MCM9: variants seen among roughly 807,000 people sequenced by gnomAD.
MCM9 encodes the protein DNA helicase MCM9.
Under a neutral mutation model 72.8 loss-of-function variants are expected in MCM9, and 55 were observed. The observed-to-expected ratio is 0.76, with a 90% CI of 0.61 to 0.95. The LOEUF (loss-of-function observed/expected upper bound fraction) is 0.95, where lower values mean the gene tolerates loss of function less well. MCM9 is among the 40% of genes least tolerant of loss of function. The probability of loss-of-function intolerance (pLI) is 0.00; values close to 1 mark genes in which losing one functional copy is unlikely to be tolerated. For synonymous variants in MCM9, 480 were observed against 503.4 expected (o/e 0.95, Z 0.62); for missense variants, 1,279 against 1,377.0 (o/e 0.93, Z 1.13).
intron 5 of MCM9, chr6:118,921,190 T>C (rs971551635): frequency 6.6e-6 from 1 of 152,354 alleles, no homozygotes; most frequent in African/African-American, 2.4e-5. Flanking sequence ...GTACTGTATA[T>C]GCTGTGCTTG....
chr6:118,835,473 T>C (rs927746887), intron 9 of MCM9, among the ~76,000 whole-genome samples: 1 of 152,250 alleles, frequency 6.6e-6, no homozygotes, highest in Non-Finnish European at 1.5e-5. Flanking sequence ...TGATTCTTCC[T>C]ATCCATGAAC....
chr6:118,828,404 G>A (rs1167170154), intron 10 of MCM9, among the ~76,000 whole-genome samples: 2 of 140,846 alleles, frequency 1.4e-5, no homozygotes, highest in Admixed American at 1.4e-4. Flanking sequence ...TTTTTTTTTT[G>A]AGATGGAGTC....
Position 118,910,149 on chromosome 6 carries a change from GTTTATA to G in MCM9, c.1150+1495_1150+1500del, listed in dbSNP as rs1417048323. On this transcript the variant is annotated intron_variant, in intron 8 of 13. Transcript: ENST00000619706. ...AAAAAAAAAAAAGACTCCATAACAAGTTTATATTTATGTTAAAAAATTTCATGAAAA... is the reference window on the plus strand; with the variant it reads ...AAAAAAAAAAAAGACTCCATAACAAGTTTATGTTAAAAAATTTCATGAAAA... Among the ~76,000 whole-genome samples the G allele has an allele frequency of 2.7e-5, 4 of 146,886 alleles. No homozygotes were observed. The East Asian group carries it at 5.9e-4, about 22-fold the overall frequency.
intron 9 of MCM9, among the ~76,000 whole-genome samples, chr6:118,851,707 T>G (rs74217675): frequency 0.14 from 20,500 of 150,150 alleles, 1,643 homozygotes; most frequent in Non-Finnish European, 0.17. Context: ...AAAATACTGG[T>G]TGTGATCCAT....
At chr6:118,857,625 C>CAA (rs1776642545) in intron 8 of MCM9, among the ~76,000 whole-genome samples, 1 of 73,194 alleles carries the variant, frequency 1.4e-5, no homozygotes, top group Non-Finnish European at 2.5e-5. Flanking sequence ...TCCAGACTGA[C>CAA]CAAAAAAAAA....
chr6:118,896,339 A>G (rs1445803139), intron 8 of MCM9, among the ~76,000 whole-genome samples: 1 of 152,126 alleles, frequency 6.6e-6, no homozygotes, highest in Non-Finnish European at 1.5e-5. Flanking sequence ...AACTTATACC[A>G]CACTGTTTTT....
intron 8 of MCM9, among the ~76,000 whole-genome samples, chr6:118,865,299 C>A (rs1055570355): frequency 2.6e-5 from 4 of 152,184 alleles, no homozygotes; most frequent in East Asian, 3.9e-4. Context: ...TTAAAAACAG[C>A]TATTTCTCCT....
intron 2 of MCM9, among the ~76,000 whole-genome samples, chr6:118,932,061 C>G (rs770718517): frequency 6.6e-6 from 1 of 152,200 alleles, no homozygotes; most frequent in East Asian, 1.9e-4. Flanking sequence ...ATGCACCTAA[C>G]AACATTTCCG....
At chr6:118,910,878 T>C (rs1336088659) in intron 8 of MCM9, 1 of 985,278 alleles carries the variant, frequency 1.0e-6, no homozygotes, top group African/African-American at 1.7e-5. Flanking sequence ...AAAGTGTTAG[T>C]TTCTCATTAG....
rs200572387 is a variant in MCM9 at position 118,922,012 on chromosome 6, G to A, written c.696C>T (p.Cys232=). The change falls in exon 5 of 14, where the codon TGC becomes TGT. Residue 232 remains cysteine, a synonymous_variant. Transcript: ENST00000619706. ...AAATTCCCCTCTTCTTACCAGATTT[G>A]CAACTATCCACTAAGTCATCTTCCA... ...VILEDDLVDS[C]KSGDDLTIYG... is the part of the protein sequence containing the mutation. 6.2e-6 allele frequency: 10 copies of A among 1,611,618 alleles called. No homozygotes were observed. Among genetic ancestry groups the A allele is most frequent in the Non-Finnish European group, 8.5e-6 (10 of 1,178,672 alleles).
chr6:118,861,244 A>C (rs902683777), intron 8 of MCM9, among the ~76,000 whole-genome samples: 17 of 152,220 alleles, frequency 1.1e-4, no homozygotes, highest in Admixed American at 5.2e-4. Flanking sequence ...GATGGTGCCC[A>C]AAAACTCGGA....
At chr6:118,871,741 C>T (rs1480979594) in intron 8 of MCM9, among the ~76,000 whole-genome samples, 2 of 151,120 alleles carry the variant, frequency 1.3e-5, no homozygotes, top group Non-Finnish European at 3.0e-5. Context: ...ATGGTGAAAC[C>T]CCGTCTCTAC....
chr6:118,922,282 TG>T (rs1400869414), intron 4 of MCM9, among the ~76,000 whole-genome samples, 196 bp from the exon 5 acceptor site: 1 of 152,204 alleles, frequency 6.6e-6, no homozygotes, highest in Non-Finnish European at 1.5e-5. Context: ...AATACACATA[TG>T]GAAAATATCT....
chr6:118,929,700 C>T (rs576048854), intron 3 of MCM9, among the ~76,000 whole-genome samples: 22 of 152,140 alleles, frequency 1.4e-4, no homozygotes, highest in African/African-American at 4.3e-4. Flanking sequence ...TGGCCAGACA[C>T]GATGGCTCAC....
intron 8 of MCM9, chr6:118,907,851 A>G: frequency 2.5e-6 from 1 of 402,316 alleles, no homozygotes; most frequent in Admixed American, 4.0e-5. Context: ...ATCTGATTAA[A>G]GCATATATAT....
In MCM9 at chr6:118,900,922, C is replaced by T. The variant is rs566432826; in HGVS notation, c.1150+10728G>A. ...GTAAATGTGTATGCCAAATATGTTT[C>T]GAAGTAGACTATATTATCTATTATC... On this transcript the variant is annotated intron_variant, in intron 8 of 13. Coordinates refer to ENST00000619706, the MANE Select transcript of MCM9 (RefSeq NM_017696.3). 56 of 1,327,918 alleles carry T rather than the reference C, an allele frequency of 4.2e-5. 1 individual carries two copies. In the African/African-American group the frequency reaches 6.8e-4, roughly 16 times the overall value. The allele number at this position is 1,327,918 out of a possible 1,614,324, so 82.3% of individuals were successfully genotyped here. A position where few individuals can be genotyped will look rare whatever the true frequency, so the allele number is the denominator to read the frequency against.
chr6:118,928,407 T>C (rs1475844897), intron 3 of MCM9, among the ~76,000 whole-genome samples: 1 of 151,894 alleles, frequency 6.6e-6, no homozygotes, highest in African/African-American at 2.4e-5. Context: ...TGAGACTCCA[T>C]CTCAAAAAAA....
chr6:118,906,719 G>A (rs150638550), intron 8 of MCM9, among the ~76,000 whole-genome samples: 58 of 152,274 alleles, frequency 3.8e-4, no homozygotes, highest in African/African-American at 1.3e-3. Context: ...AAGATACTTA[G>A]TATTTTCTGA....
chr6:118,840,170 T>TA (rs1206127287), intron 9 of MCM9, among the ~76,000 whole-genome samples: 3 of 7,914 alleles, frequency 3.8e-4, no homozygotes, highest in Admixed American at 2.4e-3. Context: ...TTTTATGTTA[T>TA]TTTTTTTTTT....
Sources: allele counts gnomAD v4.1 joint callset (sites outside exome capture counted in the v4.1 genomes callset), GRCh38; gene constraint gnomAD v4.1.1; transcripts MANE v1.5; gene names NCBI Gene and HGNC (gene_info 2026-07-23, HGNC 2026-07-21).